The following GLI4 variants were observed in gnomAD, a reference collection of about 807,000 sequenced individuals.
GLI4 encodes the protein GLI family zinc finger 4.
GLI4 carries 34 observed loss-of-function variants against 30.9 expected under a neutral mutation model. The observed-to-expected ratio is 1.10, with a 90% CI of 0.84 to 1.47. The LOEUF (loss-of-function observed/expected upper bound fraction) is 1.47, where lower values mean the gene tolerates loss of function less well. Among genes scored for constraint, GLI4 ranks in the 40% most tolerant of loss-of-function variants. The pLI is 0.00. For synonymous variants in GLI4, 277 were observed against 236.7 expected (o/e 1.17, Z -1.56); for missense variants, 696 against 538.9 (o/e 1.29, Z -2.89).
intron 3 of GLI4, chr8:143,275,421 G>A (rs1179655968): frequency 1.4e-6 from 2 of 1,382,008 alleles, no homozygotes. Context: ...CCTGGGGTGG[G>A]CATGGGAGCT....
At chr8:143,270,991 G>C (rs1815256156) in intron 2 of GLI4, among the ~76,000 whole-genome samples, 1 of 151,936 alleles carries the variant, frequency 6.6e-6, no homozygotes, top group Non-Finnish European at 1.5e-5. Flanking sequence ...GCTACCCCCA[G>C]CCCTGTCTCC....
rs1219893436 is a variant in GLI4, at chr8:143,276,031, G to A, written c.358G>A (p.Glu120Lys). ...RARCSAGFGP[E>K]SSAERPAGQP... Reference sequence around the variant, plus strand: ...CCGGTGCAGCGCCGGCTTCGGGCCTGAATCCAGCGCGGAGCGGCCGGCGGG... The same window carrying A: ...CCGGTGCAGCGCCGGCTTCGGGCCTAAATCCAGCGCGGAGCGGCCGGCGGG... The change falls in exon 4 of 4, where the codon GAA (glutamate) becomes AAA (lysine). Residue 120 changes from glutamate (E) to lysine (K), a missense_variant. By Grantham distance (56) the Glu-to-Lys change is moderately conservative. Coordinates refer to ENST00000340042, the MANE Select transcript of GLI4 (RefSeq NM_138465.4). 18 of 1,398,770 alleles carry A rather than the reference G, an allele frequency of 1.3e-5. No individual in the cohort carries two copies. Among genetic ancestry groups the A allele is most frequent in the Non-Finnish European group, 1.6e-5 (17 of 1,079,480 alleles). 86.6% of individuals were successfully genotyped at this position (1,398,770 alleles called of 1,614,324 possible).
rs1224630303 is a variant in GLI4, at chr8:143,274,695, G to A, written c.125-9G>A. The A allele has an allele frequency of 7.1e-6, 11 of 1,546,822 alleles. No homozygotes were observed. Among genetic ancestry groups the A allele is most frequent in the Non-Finnish European group, 9.6e-6 (11 of 1,142,382 alleles). ...GGTGGAGGTGAGCCCCAGCCTCCCTGACCCCCAGGCTCCCCTGGCTCCAGC... is the reference window on the plus strand; with the variant it reads ...GGTGGAGGTGAGCCCCAGCCTCCCTAACCCCCAGGCTCCCCTGGCTCCAGC... On this transcript the variant is annotated splice_polypyrimidine_tract_variant and intron_variant, in intron 2 of 3. Transcript: ENST00000340042.
At chr8:143,267,513 T>A in intron 1 of GLI4, 29 bp downstream of exon 1, 1 of 986,212 alleles carries the variant, frequency 1.0e-6, no homozygotes, top group Non-Finnish European at 1.2e-6. Flanking sequence ...CGGCGGCGGC[T>A]CCGGGTGCCT....
In GLI4 at chr8:143,276,426, C is replaced by T. The variant is rs1815389647; in HGVS notation, c.753C>T (p.Ser251=). The T allele has an allele frequency of 6.2e-7, 1 of 1,612,718 alleles. No individual in the cohort carries two copies. The highest frequency in any genetic ancestry group is 8.5e-7 in the Non-Finnish European group (1 of 1,179,742). Residue 251 remains serine, a synonymous_variant, in exon 4 of 4, where the codon AGC becomes AGT. Coordinates refer to ENST00000340042, the MANE Select transcript of GLI4 (RefSeq NM_138465.4). ...AGTGCGGCCGCGCCTTCAGCCACAG[C>T]TCGCACTTCACGCAGCACCTGCGCA... ...CGQCGRAFSH[S]SHFTQHLRIH... is the part of the protein sequence containing the mutation.
In GLI4 at chr8:143,276,104, G is replaced by C; in HGVS notation, c.431G>C (p.Arg144Pro). ...TGCGCCCAGCCGCGGGGCGCCTGGCGCGTGACGCTCGTGCAGCAAGCAGCG... is the reference window on the plus strand; with the variant it reads ...TGCGCCCAGCCGCGGGGCGCCTGGCCCGTGACGCTCGTGCAGCAAGCAGCG... ...VPCAQPRGAW[R>P]VTLVQQAAAG... The change falls in exon 4 of 4, where the codon CGC (arginine) becomes CCC (proline). Residue 144 changes from arginine to proline, a missense_variant. Transcript: ENST00000340042. 1 of 1,439,150 alleles carries C rather than the reference G, an allele frequency of 6.9e-7. No individual in the cohort carries two copies. Among genetic ancestry groups the C allele is most frequent in the Non-Finnish European group, 9.0e-7 (1 of 1,106,576 alleles). 89.1% of individuals were successfully genotyped at this position (1,439,150 alleles called of 1,614,324 possible).
rs765391293 is a variant in GLI4, at chr8:143,275,029, G to A, written c.223+227G>A. On this transcript the variant is annotated intron_variant, in intron 3 of 3. Transcript: ENST00000340042. ...GTGACTGCAGCCCACAGCCACCTGCGCCAGTGGCCCCACGTGGACTCCTGC... is the reference window on the plus strand; with the variant it reads ...GTGACTGCAGCCCACAGCCACCTGCACCAGTGGCCCCACGTGGACTCCTGC... 31 of 1,523,534 alleles carry A rather than the reference G, an allele frequency of 2.0e-5. No homozygotes were observed. In the African/African-American group the frequency reaches 2.3e-4, roughly 11 times the overall value. 94.4% of individuals were successfully genotyped at this position (1,523,534 alleles called of 1,614,324 possible). A position where few individuals can be genotyped will look rare whatever the true frequency, so the allele number is the denominator to read the frequency against.
chr8:143,276,390 C>A lies in GLI4; in HGVS notation c.717C>A (p.Tyr239Ter). 1 of 1,612,794 alleles carries A rather than the reference C, an allele frequency of 6.2e-7. No individual in the cohort carries two copies. Among genetic ancestry groups the A allele is most frequent in the Non-Finnish European group, 8.5e-7 (1 of 1,179,802 alleles). The stretch of plus-strand genomic sequence containing the variant: ...GCATCCACACGGGCGAGAAGCCCTA[C>A]GAGTGCGGCCAGTGCGGCCGCGCCT... ...HHRIHTGEKP[Y>*]ECGQCGRAFS... Residue 239 changes from tyrosine to a stop codon, truncating the protein, a stop_gained, in exon 4 of 4, where the codon TAC becomes TAA. Transcript: ENST00000340042. LOFTEE classifies it high-confidence loss of function.
chr8:143,276,334 C>T lies in GLI4; in HGVS notation c.661C>T (p.Arg221Cys), dbSNP rs753218853. The change falls in exon 4 of 4, where the codon CGC becomes TGC. Residue 221 changes from arginine to cysteine, a missense_variant. Transcript: ENST00000340042. ...CTGCCACGAGTGCGGCAAGCGCTTC[C>T]GCGGCTGGTCGGGCTTCATCCAGCA... ...YACHECGKRF[R>C]GWSGFIQHHR... The T allele has an allele frequency of 2.5e-6, 4 of 1,608,006 alleles. No homozygotes were observed. Among genetic ancestry groups the T allele is most frequent in the South Asian group, 2.2e-5 (2 of 90,796 alleles).
At chr8:143,268,718 C>T (rs1351787646) in intron 1 of GLI4, among the ~76,000 whole-genome samples, 1 of 152,252 alleles carries the variant, frequency 6.6e-6, no homozygotes, top group Non-Finnish European at 1.5e-5. Flanking sequence ...ATGCCACGGG[C>T]TGGAAGGAGA....
chr8:143,268,924 A>G (rs1305970416), intron 1 of GLI4, among the ~76,000 whole-genome samples: 1 of 150,506 alleles, frequency 6.6e-6, no homozygotes, highest in East Asian at 2.0e-4. Flanking sequence ...GCTCACTGCA[A>G]CCTCCACCTC....
At chr8:143,275,355 G>A (rs1815360639) in intron 3 of GLI4, 1 of 1,414,490 alleles carries the variant, frequency 7.1e-7, no homozygotes, top group Non-Finnish European at 9.2e-7. Context: ...GGGAGCAGGT[G>A]TCTGAGGTCA....
At chr8:143,271,803 TG>T (rs1815274352) in intron 2 of GLI4, among the ~76,000 whole-genome samples, 1 of 151,990 alleles carries the variant, frequency 6.6e-6, no homozygotes, top group South Asian at 2.1e-4. Context: ...TTCTCTGCGG[TG>T]GTCCCTGCAG....
intron 1 of GLI4, chr8:143,267,958 TC>T (rs1815175390): frequency 1.0e-6 from 1 of 985,354 alleles, no homozygotes; most frequent in African/African-American, 1.7e-5. Flanking sequence ...GGAGTGCCCT[TC>T]CCCCTTCAGT....
chr8:143,268,952 T>C (rs1158752135), intron 1 of GLI4, among the ~76,000 whole-genome samples: 1 of 151,664 alleles, frequency 6.6e-6, no homozygotes, highest in Non-Finnish European at 1.5e-5. Context: ...CAAGCTGTTC[T>C]CCTGCCTCAG....
chr8:143,268,829 G>A (rs1234346001), intron 1 of GLI4, among the ~76,000 whole-genome samples: 1 of 28,548 alleles, frequency 3.5e-5, no homozygotes, highest in African/African-American at 8.8e-5. Context: ...CTTCCAAGGC[G>A]TTACTCCTTT....
At chr8:143,273,081 T>C (rs1815305072) in intron 2 of GLI4, 1 of 152,274 alleles carries the variant, frequency 6.6e-6, no homozygotes, top group South Asian at 2.1e-4. Flanking sequence ...GGTCACTTTC[T>C]TTCTCAAAGG....
rs1227171134 is a variant in GLI4, at chr8:143,276,129, G to A, written c.456G>A (p.Ala152=). 5.2e-6 allele frequency: 8 copies of A among 1,532,000 alleles called. No homozygotes were observed. Among genetic ancestry groups the A allele is most frequent in the Non-Finnish European group, 6.1e-6 (7 of 1,141,032 alleles). The allele number at this position is 1,532,000 out of a possible 1,614,324, so 94.9% of individuals were successfully genotyped here. The change falls in exon 4 of 4, where the codon GCG becomes GCA. Residue 152 remains alanine, a synonymous_variant. Coordinates refer to ENST00000340042, the MANE Select transcript of GLI4 (RefSeq NM_138465.4). ...GCGTGACGCTCGTGCAGCAAGCAGC[G>A]GCCGGGCCCGAGGGTGCGCCCGAGC... is the stretch of plus-strand genomic sequence containing the variant. ...AWRVTLVQQA[A]AGPEGAPERA...
intron 2 of GLI4, among the ~76,000 whole-genome samples, chr8:143,274,059 G>T (rs1815330270): frequency 6.6e-6 from 1 of 152,198 alleles, no homozygotes; most frequent in Admixed American, 6.5e-5. Flanking sequence ...ACCAAGTCTT[G>T]GGTGGGAGGG....
Sources: gnomAD v4.1 joint callset for allele counts (sites outside exome capture counted in the v4.1 genomes callset) on GRCh38, gnomAD v4.1.1 for gene constraint, MANE v1.5 for transcripts, NCBI Gene and HGNC (gene_info 2026-07-23, HGNC 2026-07-21) for gene names.